Variants in NCF4 observed in about 807,000 individuals in gnomAD.
NCF4 encodes the protein neutrophil cytosol factor 4.
Under a neutral mutation model 41.7 loss-of-function variants are expected in NCF4, and 30 were observed. The ratio of observed to expected loss-of-function variants is 0.72; its 90% CI spans 0.54 to 0.97. NCF4 has a LOEUF of 0.97. Ranked by LOEUF, NCF4 falls within the 50% of genes least tolerant of loss-of-function variation. The probability of loss-of-function intolerance (pLI) is 0.00; values close to 1 mark genes in which losing one functional copy is unlikely to be tolerated. For missense variants in NCF4, 432 were observed against 460.9 expected (o/e 0.94, Z 0.57); for synonymous variants, 195 against 175.8 (o/e 1.11, Z -0.87).
Position 36,864,105 on chromosome 22 carries a change from G to A in NCF4, c.93G>A (p.Glu31=), listed in dbSNP as rs1228095735. 1 of 1,613,940 alleles carries A rather than the reference G, an allele frequency of 6.2e-7. No homozygotes were observed. Among genetic ancestry groups the A allele is most frequent in the Non-Finnish European group, 8.5e-7 (1 of 1,179,972 alleles). The change falls in exon 2 of 10, where the codon GAG becomes GAA. Residue 31 remains glutamate (E), a synonymous_variant. Transcript: ENST00000248899. The stretch of plus-strand genomic sequence containing the variant: ...CGGCCAACATTGCTGACATCGAGGA[G>A]AAGAGAGGCTTCACCAGCCACTTTG... ...AISANIADIE[E]KRGFTSHFVF...
rs746353194 is a variant in NCF4, at chr22:36,864,971, G to T, written c.170G>T (p.Arg57Leu). The T allele has an allele frequency of 3.1e-6, 5 of 1,613,926 alleles. No individual in the cohort carries two copies. The Admixed American group carries it at 5.0e-5, about 16-fold the overall frequency. ...TKGGSKYLIY[R>L]RYRQFHALQS... ...GGAGGATCCAAGTACCTCATCTACC[G>T]CCGCTACCGCCAGTTCCATGCTTTG... Residue 57 changes from arginine (R) to leucine (L), a missense_variant, in exon 3 of 10, where the codon CGC (arginine) becomes CTC (leucine). By Grantham distance (102) the Arg-to-Leu change is moderately radical. Coordinates refer to ENST00000248899, the MANE Select transcript of NCF4 (RefSeq NM_000631.5).
intron 7 of NCF4, among the ~76,000 whole-genome samples, chr22:36,872,691 AAGGTTGGAGGTGAGATTGGAGGTG>A (rs1555916409): frequency 1.2e-4 from 3 of 24,758 alleles, no homozygotes; most frequent in African/African-American, 3.0e-4. Context: ...GATTGGAGGT[AAGGTTGGAGGTGAGATTGGAGGTG>A]AGGTTGGAGG....
intron 7 of NCF4, among the ~76,000 whole-genome samples, chr22:36,875,274 C>G (rs560747856): frequency 6.6e-6 from 1 of 152,292 alleles, no homozygotes; most frequent in South Asian, 2.1e-4. Context: ...AAGTGATTCA[C>G]CAGCTTCGGC....
At position 36,870,547 on chromosome 22, in the gene NCF4, G is replaced by A. The variant is rs1397537560; in HGVS notation, c.470+5G>A. 1.2e-6 allele frequency: 2 copies of A among 1,610,924 alleles called. No homozygotes were observed. Among genetic ancestry groups the A allele is most frequent in the Non-Finnish European group, 8.5e-7 (1 of 1,180,006 alleles). ...CCGCCCGCGCACCCGGAAAGTGTAA[G>A]TGACCAGCCCCTGGGCTTCCACATG... On this transcript the variant is annotated splice_donor_5th_base_variant and intron_variant, in intron 5 of 9. Coordinates refer to ENST00000248899, the MANE Select transcript of NCF4 (RefSeq NM_000631.5).
At chr22:36,868,506 T>G in intron 4 of NCF4, among the ~76,000 whole-genome samples, 1 of 150,120 alleles carries the variant, frequency 6.7e-6, no homozygotes, top group African/African-American at 2.5e-5. Flanking sequence ...GCAGAGGAGG[T>G]GGGAGGAAGG....
chr22:36,864,162 C>A, intron 2 of NCF4, 33 bp downstream of exon 2: 5 of 1,554,356 alleles, frequency 3.2e-6, no homozygotes, highest in Non-Finnish European at 4.4e-6. Flanking sequence ...CACCCAACAA[C>A]CTCTGAACTT....
At position 36,877,685 on chromosome 22, in the gene NCF4, G is replaced by T; in HGVS notation, c.882G>T (p.Leu294=). 1 of 1,614,200 alleles carries T rather than the reference G, an allele frequency of 6.2e-7. No individual in the cohort carries two copies. The highest frequency in any genetic ancestry group is 8.5e-7 in the Non-Finnish European group (1 of 1,180,048). Residue 294 remains leucine (L), a synonymous_variant, in exon 10 of 10, where the codon CTG becomes CTT. Transcript: ENST00000248899. ...ALNYRDAEGD[L]VRLLSDEDVA... ...ATTACCGGGACGCTGAGGGGGATCTGGTTCGGCTGCTGTCGGATGAGGACG... is the reference window on the plus strand; with the variant it reads ...ATTACCGGGACGCTGAGGGGGATCTTGTTCGGCTGCTGTCGGATGAGGACG...
chr22:36,876,007 C>A lies in NCF4; in HGVS notation c.759-22C>A, dbSNP rs1307425631. 23 of 1,613,412 alleles carry A rather than the reference C, an allele frequency of 1.4e-5. No homozygotes were observed. Among genetic ancestry groups the A allele is most frequent in the Non-Finnish European group, 1.9e-5 (22 of 1,179,548 alleles). On this transcript the variant is annotated intron_variant, in intron 8 of 9. Coordinates refer to ENST00000248899, the MANE Select transcript of NCF4 (RefSeq NM_000631.5). ...CCACTTCCAGCCTGATGCCTCCTTA[C>A]TCCAGCCTGTCACCCCCTTAGGGAC...
chr22:36,867,140 T>TGTGC (rs1555915558), intron 3 of NCF4, among the ~76,000 whole-genome samples: 1 of 151,248 alleles, frequency 6.6e-6, no homozygotes, highest in African/African-American at 2.5e-5. Flanking sequence ...TGTGTGTGTG[T>TGTGC]GTGCGCTTGG....
At position 36,865,068 on chromosome 22, in the gene NCF4, C is replaced by T. The variant is rs748376366; in HGVS notation, c.267C>T (p.Leu89=). Residue 89 remains leucine, a synonymous_variant, in exon 3 of 10, where the codon CTC becomes CTT. Coordinates refer to ENST00000248899, the MANE Select transcript of NCF4 (RefSeq NM_000631.5). The surrounding 1 kb of genome is among the most constrained non-coding windows in gnomAD (Gnocchi z 4.3). ...SSALACTLPT[L]PAKVYVGVKQ... ...CCCTGGCCTGTACCCTGCCCACACT[C>T]CCAGGTAGGCGGCCACTCCCGTCCT... 6.2e-7 allele frequency: 1 copy of T among 1,610,176 alleles called. No homozygotes were observed. Among genetic ancestry groups the T allele is most frequent in the Non-Finnish European group, 8.5e-7 (1 of 1,179,988 alleles).
chr22:36,866,963 T>C (rs186492637), intron 3 of NCF4, among the ~76,000 whole-genome samples: 1 of 152,244 alleles, frequency 6.6e-6, no homozygotes, highest in East Asian at 1.9e-4. Flanking sequence ...TCTGATTTAA[T>C]TGCTCTGGGG....
At position 36,865,264 on chromosome 22, in the gene NCF4, C is replaced by T. The variant is rs1601547626; in HGVS notation, c.271+192C>T. On this transcript the variant is annotated intron_variant, in intron 3 of 9. Transcript: ENST00000248899. The surrounding 1 kb of genome is among the most constrained non-coding windows in gnomAD (Gnocchi z 4.3). ...TCCCCCTGCCTCACGCCATGGCTTC[C>T]ACCCCAAGCACTCTAGCCTCACAGC... 1.3e-5 allele frequency among the ~76,000 whole-genome samples: 2 copies of T among 152,212 alleles called. No individual in the cohort carries two copies. Among genetic ancestry groups the T allele is most frequent in the African/African-American group, 4.8e-5 (2 of 41,528 alleles).
intron 1 of NCF4, 110 bp from the exon 2 acceptor site, chr22:36,863,935 G>T: frequency 9.7e-7 from 1 of 1,025,824 alleles, no homozygotes; most frequent in South Asian, 1.3e-5. Context: ...GCTGAGAGAC[G>T]AATGTTGGCT....
At chr22:36,863,050 C>T (rs1290081004) in intron 1 of NCF4, among the ~76,000 whole-genome samples, 2 of 152,132 alleles carry the variant, frequency 1.3e-5, no homozygotes, top group African/African-American at 2.4e-5. Flanking sequence ...AGCGGATATT[C>T]CAGGGGACTT....
Position 36,864,899 on chromosome 22 carries a change from A to G in NCF4, c.118-20A>G. The stretch of plus-strand genomic sequence containing the variant: ...TGCTCCTGGCCCCTGAGCCCTCCCC[A>G]CAACCTCTGTCCTCCTTAGGTTTTC... On this transcript the variant is annotated intron_variant, in intron 2 of 9. Transcript: ENST00000248899. The G allele has an allele frequency of 1.2e-6, 2 of 1,613,028 alleles. No homozygotes were observed. The highest frequency in any genetic ancestry group is 1.7e-6 in the Non-Finnish European group (2 of 1,179,786).
chr22:36,874,105 G>A (rs1940142415), intron 7 of NCF4, among the ~76,000 whole-genome samples: 2 of 152,214 alleles, frequency 1.3e-5, no homozygotes, highest in South Asian at 4.1e-4. Context: ...CCAGAGCCTG[G>A]GTGTGCGGCG....
At chr22:36,867,740 T>C (rs953071613) in intron 4 of NCF4, among the ~76,000 whole-genome samples, 4 of 152,230 alleles carry the variant, frequency 2.6e-5, no homozygotes, top group Admixed American at 6.5e-5. Context: ...TGAATGTCTA[T>C]GCCAGGAGTT....
intron 9 of NCF4, 87 bp downstream of exon 9, chr22:36,876,181 T>C (rs1402679858): frequency 9.8e-6 from 13 of 1,323,234 alleles, no homozygotes; most frequent in Non-Finnish European, 2.0e-6. Flanking sequence ...ATTAAGGTGC[T>C]GGGGTTTTGC....
chr22:36,873,704 C>T (rs548999260), intron 7 of NCF4, among the ~76,000 whole-genome samples: 191 of 152,214 alleles, frequency 1.3e-3, no homozygotes, highest in Non-Finnish European at 1.6e-3. Context: ...AGCAGGGGCA[C>T]TATTGACATT....
Sources: gnomAD v4.1 joint callset for allele counts (sites outside exome capture counted in the v4.1 genomes callset) on GRCh38, gnomAD v4.1.1 for gene constraint, Gnocchi (gnomAD v3.1) non-coding constraint, MANE v1.5 for transcripts, NCBI Gene and HGNC (gene_info 2026-07-23, HGNC 2026-07-21) for gene names.